Variants in CDH8 observed in about 807,000 individuals in gnomAD.
The protein encoded by CDH8 is cadherin 8, also known as cadherin-8.
Under a neutral mutation model 68.1 loss-of-function variants are expected in CDH8, and 17 were observed. The observed-to-expected ratio is 0.25, with a 90% confidence interval of 0.17 to 0.37. The LOEUF is 0.37. Ranked by LOEUF, CDH8 falls within the 10% of genes least tolerant of loss-of-function variation. The probability of loss-of-function intolerance (pLI) is 1.00; values close to 1 mark genes in which losing one functional copy is unlikely to be tolerated. For synonymous variants in CDH8, 372 were observed against 365.1 expected (o/e 1.02, Z -0.21); for missense variants, 763 against 999.3 (o/e 0.76, Z 3.19).
At chr16:62,003,454 A>G (rs1471698389) in intron 2 of CDH8, among the ~76,000 whole-genome samples, 1 of 152,200 alleles carries the variant, frequency 6.6e-6, no homozygotes, top group Admixed American at 6.5e-5. Context: ...TATAGATTTA[A>G]TATTTCATTA....
chr16:61,885,506 T>C (rs1397128), intron 3 of CDH8, among the ~76,000 whole-genome samples: 82,572 of 151,976 alleles, frequency 0.54, 24,803 homozygotes, highest in African/African-American at 0.82. Context: ...CAAAAAAGGC[T>C]TTCACAAGGC....
intron 10 of CDH8, among the ~76,000 whole-genome samples, chr16:61,676,640 T>A (rs989432706): frequency 1.3e-5 from 2 of 152,080 alleles, no homozygotes; most frequent in African/African-American, 4.8e-5. Flanking sequence ...CACAACAATT[T>A]CAGTTAATAT....
intron 2 of CDH8, among the ~76,000 whole-genome samples, chr16:61,925,170 G>A (rs1455320147): frequency 6.6e-6 from 1 of 152,154 alleles, no homozygotes; most frequent in Non-Finnish European, 1.5e-5. Flanking sequence ...TACACTAATT[G>A]AAAACTGCCA....
chr16:61,808,311 T>C (rs1172899865), intron 7 of CDH8, among the ~76,000 whole-genome samples: 1 of 151,982 alleles, frequency 6.6e-6, no homozygotes. Context: ...CCCTGTATTA[T>C]AGCCATCACT....
chr16:61,664,974 T>A (rs958320189), intron 10 of CDH8, among the ~76,000 whole-genome samples: 7 of 152,034 alleles, frequency 4.6e-5, no homozygotes, highest in African/African-American at 1.7e-4. Flanking sequence ...ATTTTTCTTG[T>A]AGCAAACAAG....
In CDH8 at chr16:61,653,263, G is replaced by T; in HGVS notation, c.*345C>A. The T allele has an allele frequency of 1.7e-6, 2 of 1,170,982 alleles. No homozygotes were observed. The highest frequency in any genetic ancestry group is 2.1e-6 in the Non-Finnish European group (2 of 952,014). The allele number at this position is 1,170,982 out of a possible 1,614,324, so 72.5% of individuals were successfully genotyped here. A position where few individuals can be genotyped will look rare whatever the true frequency, so the allele number is the denominator to read the frequency against. ...TGCAGGTCCGTATTTTTTTTTCTAAGAAAGCACCTTTTAATTATGATTTTT... is the reference window on the plus strand; with the variant it reads ...TGCAGGTCCGTATTTTTTTTTCTAATAAAGCACCTTTTAATTATGATTTTT... On this transcript the variant is annotated 3_prime_UTR_variant, in exon 12 of 12. Coordinates refer to ENST00000577390, the MANE Select transcript of CDH8 (RefSeq NM_001796.5).
intron 10 of CDH8, among the ~76,000 whole-genome samples, chr16:61,700,009 C>A (rs916577861): frequency 5.3e-5 from 8 of 152,106 alleles, no homozygotes; most frequent in Non-Finnish European, 1.0e-4. Context: ...GTAATGTTCC[C>A]AAAATCAGAG....
chr16:61,679,454 G>T (rs1963973868), intron 10 of CDH8, among the ~76,000 whole-genome samples: 1 of 151,872 alleles, frequency 6.6e-6, no homozygotes, highest in Admixed American at 6.6e-5. Context: ...CATGCAATTA[G>T]CATCTGTCAG....
chr16:61,858,549 G>C (rs76799025), intron 3 of CDH8, among the ~76,000 whole-genome samples: 2,274 of 152,304 alleles, frequency 0.015, 30 homozygotes, highest in Non-Finnish European at 0.024. Flanking sequence ...TAAATTATCT[G>C]ACGATTTAAT....
At chr16:62,007,717 C>T (rs533473029) in intron 2 of CDH8, among the ~76,000 whole-genome samples, 9 of 152,252 alleles carry the variant, frequency 5.9e-5, no homozygotes, top group African/African-American at 2.2e-4. Flanking sequence ...TCAGTGGACC[C>T]TGAATCCATT....
At chr16:61,935,459 G>T (rs1401792916) in intron 2 of CDH8, among the ~76,000 whole-genome samples, 2 of 152,092 alleles carry the variant, frequency 1.3e-5, no homozygotes, top group Non-Finnish European at 2.9e-5. Flanking sequence ...ACTGTTTCTG[G>T]ACTTTAATAA....
intron 2 of CDH8, among the ~76,000 whole-genome samples, chr16:61,966,254 T>G (rs1965250223): frequency 6.6e-6 from 1 of 152,104 alleles, no homozygotes; most frequent in Admixed American, 6.6e-5. Flanking sequence ...AAAAATAGAA[T>G]GTGGGCCGGG....
chr16:61,663,235 C>G (rs1007920090), intron 10 of CDH8, among the ~76,000 whole-genome samples: 2 of 151,938 alleles, frequency 1.3e-5, no homozygotes, highest in South Asian at 2.1e-4. Flanking sequence ...CAGCAGAGTA[C>G]AGTTATGTAA....
intron 2 of CDH8, among the ~76,000 whole-genome samples, chr16:62,018,143 A>G (rs1189049948): frequency 6.6e-6 from 1 of 152,222 alleles, no homozygotes; most frequent in East Asian, 1.9e-4. Context: ...CAGGGTTAAC[A>G]CCCAGAAAGT....
chr16:61,747,898 G>C (rs374726658), intron 8 of CDH8, among the ~76,000 whole-genome samples: 4 of 152,102 alleles, frequency 2.6e-5, no homozygotes, highest in South Asian at 2.1e-4. Context: ...CCTTGACATC[G>C]CCGGGGCAGG....
chr16:61,648,094 A>G lies in CDH8; in HGVS notation c.*5514T>C. On this transcript the variant is annotated 3_prime_UTR_variant, in exon 12 of 12. Transcript: ENST00000577390. ...ACATAAAGGAAGGAGGAGAATACAT[A>G]CAAAAACACTTACAACATTACAACT... 1 of 461,178 alleles carries G rather than the reference A, an allele frequency of 2.2e-6. No homozygotes were observed. Among genetic ancestry groups the G allele is most frequent in the South Asian group, 3.0e-5 (1 of 33,784 alleles). 28.6% of individuals were successfully genotyped at this position (461,178 alleles called of 1,614,324 possible).
intron 4 of CDH8, among the ~76,000 whole-genome samples, chr16:61,834,228 A>G (rs775497887): frequency 6.2e-4 from 94 of 151,822 alleles, no homozygotes; most frequent in Non-Finnish European, 1.1e-3. Flanking sequence ...AGAGACATAC[A>G]GATGTTGTTA....
intron 10 of CDH8, among the ~76,000 whole-genome samples, chr16:61,708,584 TACAG>T (rs1157717165): frequency 6.6e-6 from 1 of 152,210 alleles, no homozygotes; most frequent in Non-Finnish European, 1.5e-5. Flanking sequence ...ACACTAAGTG[TACAG>T]TCATATGCAA....
At chr16:61,674,844 G>A (rs867137582) in intron 10 of CDH8, among the ~76,000 whole-genome samples, 26 of 151,654 alleles carry the variant, frequency 1.7e-4, no homozygotes, top group African/African-American at 5.3e-4. Flanking sequence ...TTAGTTGGTT[G>A]CTTTATCAAC....
Sources: allele counts gnomAD v4.1 joint callset (sites outside exome capture counted in the v4.1 genomes callset), GRCh38; gene constraint gnomAD v4.1.1; transcripts MANE v1.5; gene names NCBI Gene and HGNC (gene_info 2026-07-23, HGNC 2026-07-21).